FANCE: variants seen among roughly 807,000 people sequenced by gnomAD.
The protein encoded by FANCE is Fanconi anemia group E protein.
FANCE carries 42 observed loss-of-function variants against 57.8 expected under a neutral mutation model. The observed-to-expected ratio is 0.73, with a 90% CI of 0.57 to 0.94. The LOEUF (loss-of-function observed/expected upper bound fraction) is 0.94. Among genes scored for constraint, FANCE ranks in the 40% least tolerant of loss-of-function variants. FANCE has a pLI of 0.00. For missense variants in FANCE, 608 were observed against 661.8 expected, an observed-to-expected ratio of 0.92 and a Z score of 0.89; for synonymous variants, 251 against 286.4, an observed-to-expected ratio of 0.88 and a Z score of 1.25.
intron 1 of FANCE, 146 bp from the exon 2 acceptor site, chr6:35,455,601 A>G: frequency 1.0e-6 from 1 of 976,818 alleles, no homozygotes; most frequent in Non-Finnish European, 1.6e-6. Context: ...GTGAGTCACC[A>G]CACCTGGCCA....
In FANCE at chr6:35,452,549, G is replaced by C. The variant is rs886061327; in HGVS notation, c.4G>C (p.Ala2Pro). The C allele has an allele frequency of 2.8e-5, 37 of 1,325,546 alleles. No individual in the cohort carries two copies. Among genetic ancestry groups the C allele is most frequent in the Non-Finnish European group, 3.6e-5 (37 of 1,033,264 alleles). 82.1% of individuals were successfully genotyped at this position (1,325,546 alleles called of 1,614,324 possible). A position where few individuals can be genotyped will look rare whatever the true frequency, so the allele number is the denominator to read the frequency against. M[A>P]TPDAGLPGAE... ...GGCGCGGCACCCGTGCCCCGGCATG[G>C]CGACACCGGACGCGGGGCTCCCTGG... Residue 2 changes from alanine (A) to proline (P), a missense_variant, in exon 1 of 10, where the codon GCG (alanine) becomes CCG (proline). Transcript: ENST00000229769.
rs1767154708 is a variant in FANCE, at chr6:35,452,679, G to T, written c.134G>T (p.Gly45Val). 3 of 1,240,708 alleles carry T rather than the reference G, an allele frequency of 2.4e-6. No homozygotes were observed. Among genetic ancestry groups the T allele is most frequent in the Non-Finnish European group, 3.0e-6 (3 of 993,304 alleles). 76.9% of individuals were successfully genotyped at this position (1,240,708 alleles called of 1,614,324 possible). A position where few individuals can be genotyped will look rare whatever the true frequency, so the allele number is the denominator to read the frequency against. ...AGPEGARRGLGVLRALGSRGW... is the reference protein window; with the variant it reads ...AGPEGARRGLVVLRALGSRGW... ...CCTGAGGGGGCGCGGCGCGGCCTGG[G>T]GGTGCTCCGGGCGCTGGGCAGCCGC... The change falls in exon 1 of 10, where the codon GGG becomes GTG. Residue 45 changes from glycine to valine, a missense_variant. Coordinates refer to ENST00000229769, the MANE Select transcript of FANCE (RefSeq NM_021922.3).
chr6:35,452,591 C>A lies in FANCE; in HGVS notation c.46C>A (p.Pro16Thr). The change falls in exon 1 of 10, where the codon CCG (proline) becomes ACG (threonine). Residue 16 changes from proline (P) to threonine (T), a missense_variant. Coordinates refer to ENST00000229769, the MANE Select transcript of FANCE (RefSeq NM_021922.3). ...AGLPGAEGVE[P>T]APWAQLEAPA... ...GCTCCCTGGGGCTGAGGGCGTGGAG[C>A]CGGCGCCCTGGGCGCAGCTGGAGGC... 1 of 1,324,294 alleles carries A rather than the reference C, an allele frequency of 7.6e-7. No individual in the cohort carries two copies. Among genetic ancestry groups the A allele is most frequent in the Non-Finnish European group, 9.7e-7 (1 of 1,033,892 alleles). The allele number at this position is 1,324,294 out of a possible 1,614,324, so 82.0% of individuals were successfully genotyped here. A position where few individuals can be genotyped will look rare whatever the true frequency, so the allele number is the denominator to read the frequency against.
intron 6 of FANCE, 102 bp downstream of exon 6, chr6:35,459,556 A>C: frequency 6.3e-7 from 1 of 1,591,716 alleles, no homozygotes; most frequent in Non-Finnish European, 8.6e-7. Flanking sequence ...TTCAGTGATT[A>C]AAGATGCCTG....
intron 8 of FANCE, among the ~76,000 whole-genome samples, chr6:35,461,757 C>G (rs929760044): frequency 3.3e-5 from 5 of 151,584 alleles, no homozygotes; most frequent in South Asian, 2.1e-4. Context: ...ACGCCATTCT[C>G]CTGCCTCAGC....
chr6:35,455,627 T>TG (rs914670666), intron 1 of FANCE, 120 bp from the exon 2 acceptor site: 25 of 1,226,246 alleles, frequency 2.0e-5, no homozygotes, highest in Non-Finnish European at 2.7e-5. Context: ...CACTGACTCT[T>TG]GCAGATACTG....
At chr6:35,458,968 A>G (rs1452945420) in intron 5 of FANCE, among the ~76,000 whole-genome samples, 1 of 151,902 alleles carries the variant, frequency 6.6e-6, no homozygotes, top group Non-Finnish European at 1.5e-5. Flanking sequence ...TTTAGTAGAG[A>G]CTGGGTTTCG....
intron 2 of FANCE, among the ~76,000 whole-genome samples, chr6:35,457,010 G>T (rs999243971): frequency 1.3e-5 from 2 of 152,218 alleles, no homozygotes; most frequent in Non-Finnish European, 1.5e-5. Context: ...TGAGGCCTGG[G>T]TCTACCCCCA....
chr6:35,466,328 A>T lies in FANCE; in HGVS notation c.1594A>T (p.Lys532Ter). Residue 532 changes from lysine to a stop codon, truncating the protein, a stop_gained, in exon 10 of 10, where the codon AAA becomes TAA. Transcript: ENST00000229769. LOFTEE classifies it high-confidence loss of function. Reference protein sequence around the residue: ...FLRKSLKAALKHLGP With the variant: ...FLRKSLKAAL ...GAGGAAGTCCCTGAAGGCCGCCTTG[A>T]AACATTTGGGCCCCTGACCATCCAC... 6.2e-7 allele frequency: 1 copy of T among 1,613,104 alleles called. No individual in the cohort carries two copies. The highest frequency in any genetic ancestry group is 8.5e-7 in the Non-Finnish European group (1 of 1,179,056).
intron 9 of FANCE, among the ~76,000 whole-genome samples, chr6:35,463,367 GAC>G (rs2150902260): frequency 6.6e-6 from 1 of 152,198 alleles, no homozygotes; most frequent in African/African-American, 2.4e-5. Flanking sequence ...TCAAGCCCAG[GAC>G]TGGGGAATGA....
chr6:35,458,152 C>A, intron 4 of FANCE, 145 bp from the exon 5 acceptor site: 1 of 1,293,320 alleles, frequency 7.7e-7, no homozygotes, highest in Non-Finnish European at 1.1e-6. Context: ...GCCCTTGGTT[C>A]CTTCCCCTAG....
In FANCE at chr6:35,466,900, A is replaced by T. The variant is rs1044588987; in HGVS notation, c.*555A>T. ...CTGGCCCCAGGCACACTCCTCATCA[A>T]TTCTCAGGCTGCAGGGACAAACTTT... On this transcript the variant is annotated 3_prime_UTR_variant, in exon 10 of 10. Transcript: ENST00000229769. 1 of 231,414 alleles carries T rather than the reference A, an allele frequency of 4.3e-6. No individual in the cohort carries two copies. Among genetic ancestry groups the T allele is most frequent in the Non-Finnish European group, 8.6e-6 (1 of 116,810 alleles). The allele number at this position is 231,414 out of a possible 1,614,324, so 14.3% of individuals were successfully genotyped here.
chr6:35,452,363 C>CG lies in FANCE; in HGVS notation c.-181dup. The CG allele has an allele frequency of 1.8e-6, 1 of 570,564 alleles. No individual in the cohort carries two copies. Among genetic ancestry groups the CG allele is most frequent in the Non-Finnish European group, 2.5e-6 (1 of 396,944 alleles). 35.3% of individuals were successfully genotyped at this position (570,564 alleles called of 1,614,324 possible). On this transcript the variant is annotated 5_prime_UTR_variant, in exon 1 of 10. Transcript: ENST00000229769. The stretch of plus-strand genomic sequence containing the variant: ...CCTTCCCTTTCCGACAGCGCGGGAA[C>CG]GGCTGCGGCTTCGGGCGGCCGGGTT...
chr6:35,461,834 A>G (rs1767602203), intron 8 of FANCE, among the ~76,000 whole-genome samples: 1 of 151,564 alleles, frequency 6.6e-6, no homozygotes, highest in Non-Finnish European at 1.5e-5. Flanking sequence ...TTTTTAGTAG[A>G]GATGGGGTTT....
At chr6:35,463,899 T>A (rs1767695058) in intron 9 of FANCE, among the ~76,000 whole-genome samples, 1 of 151,940 alleles carries the variant, frequency 6.6e-6, no homozygotes, top group Admixed American at 6.6e-5. Flanking sequence ...CTCCTGACCT[T>A]GTGATCAGCC....
At position 35,452,542 on chromosome 6, in the gene FANCE, C is replaced by G; in HGVS notation, c.-4C>G. 1 of 1,311,732 alleles carries G rather than the reference C, an allele frequency of 7.6e-7. No individual in the cohort carries two copies. The highest frequency in any genetic ancestry group is 1.5e-5 in the African/African-American group (1 of 65,970). The allele number at this position is 1,311,732 out of a possible 1,614,324, so 81.3% of individuals were successfully genotyped here. A position where few individuals can be genotyped will look rare whatever the true frequency, so the allele number is the denominator to read the frequency against. On this transcript the variant is annotated 5_prime_UTR_variant, in exon 1 of 10. Transcript: ENST00000229769. ...AGGGGGCGGCGCGGCACCCGTGCCC[C>G]GGCATGGCGACACCGGACGCGGGGC...
chr6:35,462,871 A>G lies in FANCE; in HGVS notation c.1466A>G (p.Tyr489Cys), dbSNP rs1345207143. The G allele has an allele frequency of 1.2e-6, 2 of 1,614,124 alleles. No individual in the cohort carries two copies. Among genetic ancestry groups the G allele is most frequent in the Admixed American group, 1.7e-5 (1 of 60,004 alleles). Reference sequence around the variant, plus strand: ...CTGGCAGCCACCACCTCCATGGCCTATGCCAAGCTCATGCTGACAGTGATG... The same window carrying G: ...CTGGCAGCCACCACCTCCATGGCCTGTGCCAAGCTCATGCTGACAGTGATG... ...KGLAATTSMAYAKLMLTVMTK... is the reference protein window; with the variant it reads ...KGLAATTSMACAKLMLTVMTK... The change falls in exon 9 of 10, where the codon TAT becomes TGT. Residue 489 changes from tyrosine to cysteine, a missense_variant. Physicochemically the swap from Tyr to Cys is radical, Grantham distance 194 (BLOSUM62 -2). Coordinates refer to ENST00000229769, the MANE Select transcript of FANCE (RefSeq NM_021922.3).
chr6:35,457,685 T>G, intron 3 of FANCE, 85 bp downstream of exon 3: 10 of 1,472,924 alleles, frequency 6.8e-6, no homozygotes, highest in Non-Finnish European at 9.4e-6. Context: ...CCCAATGCAG[T>G]GATATACAAG....
Position 35,466,463 on chromosome 6 carries a change from C to G in FANCE, c.*118C>G. ...AGGATAAAGGCTGAGCCTGGCCATC[C>G]CAGATTGCAACTGCCTCCCTGTTAC... On this transcript the variant is annotated 3_prime_UTR_variant, in exon 10 of 10. Coordinates refer to ENST00000229769, the MANE Select transcript of FANCE (RefSeq NM_021922.3). 1 of 765,120 alleles carries G rather than the reference C, an allele frequency of 1.3e-6. No homozygotes were observed. Among genetic ancestry groups the G allele is most frequent in the South Asian group, 1.4e-5 (1 of 69,938 alleles). The allele number at this position is 765,120 out of a possible 1,614,324, so 47.4% of individuals were successfully genotyped here.
Sources: allele counts gnomAD v4.1 joint callset (sites outside exome capture counted in the v4.1 genomes callset), GRCh38; gene constraint gnomAD v4.1.1; transcripts MANE v1.5; gene names NCBI Gene and HGNC (gene_info 2026-07-23, HGNC 2026-07-21).